Variants in SSBP2 observed in about 807,000 individuals in gnomAD.
SSBP2 encodes the protein single-stranded DNA-binding protein 2.
In SSBP2, 17 loss-of-function variants were observed where a neutral mutation model predicts 61.8. That is an observed-to-expected ratio of 0.28 (90% CI 0.19 to 0.41). The LOEUF is 0.41. Among genes scored for constraint, SSBP2 ranks in the 10% least tolerant of loss-of-function variants. The pLI is 1.00. For synonymous variants in SSBP2, 139 were observed against 141.3 expected, an observed-to-expected ratio of 0.98 and a Z score of 0.12; for missense variants, 310 against 458.7, an observed-to-expected ratio of 0.68 and a Z score of 2.96.
chr5:81,585,283 C>T (rs907684448), intron 4 of SSBP2, among the ~76,000 whole-genome samples: 1 of 151,988 alleles, frequency 6.6e-6, no homozygotes, highest in Non-Finnish European at 1.5e-5. Flanking sequence ...TACTACCTAT[C>T]TTCAGTTTAA....
At chr5:81,619,491 C>A (rs1363774086) in intron 3 of SSBP2, among the ~76,000 whole-genome samples, 2 of 136,028 alleles carry the variant, frequency 1.5e-5, no homozygotes, top group Non-Finnish European at 3.1e-5. Flanking sequence ...GAGTCCAGGA[C>A]CAGATGGATT....
At chr5:81,600,049 TA>T (rs1168311964) in intron 4 of SSBP2, among the ~76,000 whole-genome samples, 2 of 152,226 alleles carry the variant, frequency 1.3e-5, no homozygotes. Context: ...GCAATGCCAA[TA>T]AATGTTATTT....
At chr5:81,731,329 T>C (rs1756250669) in intron 1 of SSBP2, among the ~76,000 whole-genome samples, 1 of 152,114 alleles carries the variant, frequency 6.6e-6, no homozygotes, top group African/African-American at 2.4e-5. Flanking sequence ...AAAATAGTAA[T>C]AATAATGACT....
rs192308088 is a variant in SSBP2 at position 81,591,519 on chromosome 5, C to T, written c.282+23954G>A. ...AAGCTTAAAATATTTATGACTAATA[C>T]ATTAAAGATTCTAATAGAAAAGGTG... is the stretch of plus-strand genomic sequence containing the variant. On this transcript the variant is annotated intron_variant, in intron 4 of 16. Transcript: ENST00000320672. Among the ~76,000 whole-genome samples the T allele has an allele frequency of 2.0e-5, 3 of 152,132 alleles. No individual in the cohort carries two copies. The East Asian group carries it at 5.8e-4, about 29-fold the overall frequency.
At chr5:81,550,224 G>A (rs1772065478) in intron 4 of SSBP2, among the ~76,000 whole-genome samples, 1 of 152,152 alleles carries the variant, frequency 6.6e-6, no homozygotes, top group Admixed American at 6.5e-5. Flanking sequence ...GAATAACTAT[G>A]CTTCTGATAC....
At chr5:81,513,438 A>G (rs1384428537) in intron 5 of SSBP2, among the ~76,000 whole-genome samples, 190 bp downstream of exon 5, 1 of 152,198 alleles carries the variant, frequency 6.6e-6, no homozygotes, top group Non-Finnish European at 1.5e-5. Context: ...AAATAAATAC[A>G]TAATCTAATA....
At chr5:81,706,674 A>G (rs548148258) in intron 1 of SSBP2, among the ~76,000 whole-genome samples, 2 of 152,334 alleles carry the variant, frequency 1.3e-5, no homozygotes, top group Non-Finnish European at 2.9e-5. Flanking sequence ...CAGTTACCCA[A>G]CAGAATTTAA....
intron 4 of SSBP2, among the ~76,000 whole-genome samples, chr5:81,574,334 A>G (rs188938586): frequency 6.6e-6 from 1 of 152,290 alleles, no homozygotes; most frequent in Admixed American, 6.5e-5. Flanking sequence ...ACTGAAAAAA[A>G]ATAATGGGCT....
At chr5:81,750,038 G>A (rs1399644375) in intron 1 of SSBP2, among the ~76,000 whole-genome samples, 3 of 137,304 alleles carry the variant, frequency 2.2e-5, no homozygotes, top group East Asian at 4.6e-4. Context: ...CCGCCCCGCC[G>A]GGCCCGCCCC....
intron 4 of SSBP2, among the ~76,000 whole-genome samples, chr5:81,567,678 G>A (rs150890528): frequency 6.6e-6 from 1 of 152,270 alleles, no homozygotes; most frequent in African/African-American, 2.4e-5. Context: ...CTGGAAAGCT[G>A]CAGATACTCA....
At chr5:81,568,972 G>A (rs1027026624) in intron 4 of SSBP2, among the ~76,000 whole-genome samples, 27 of 152,154 alleles carry the variant, frequency 1.8e-4, no homozygotes, top group African/African-American at 6.5e-4. Context: ...TTCCTTGAGT[G>A]GAGACCTTTC....
rs1042258563 is a variant in SSBP2 at position 81,449,800 on chromosome 5, G to A, written c.688-975C>T. On this transcript the variant is annotated intron_variant, in intron 10 of 16. Coordinates refer to ENST00000320672, the MANE Select transcript of SSBP2 (RefSeq NM_012446.5). ...TCTCCTTATTTGGTGTTCTTGCTTT[G>A]CCTTACGCACACAACACATGTCCCA... Among the ~76,000 whole-genome samples, 8 of 152,030 alleles carry A rather than the reference G, an allele frequency of 5.3e-5. No individual in the cohort carries two copies. The South Asian group carries it at 1.7e-3, about 31-fold the overall frequency.
In SSBP2 at chr5:81,491,052, ACT is replaced by A. The variant is rs1393849234; in HGVS notation, c.373-1745_373-1744del. 3.3e-5 allele frequency among the ~76,000 whole-genome samples: 5 copies of A among 152,008 alleles called. No homozygotes were observed. The South Asian group carries it at 1.0e-3, about 32-fold the overall frequency. ...ACTAGAAGCTTATTCTAATATTCAC[ACT>A]CTCTCTGTTATTTTCTCTTTCCTTT... On this transcript the variant is annotated intron_variant, in intron 5 of 16. Coordinates refer to ENST00000320672, the MANE Select transcript of SSBP2 (RefSeq NM_012446.5).
intron 4 of SSBP2, among the ~76,000 whole-genome samples, chr5:81,570,527 T>C (rs1773754889): frequency 6.6e-6 from 1 of 152,122 alleles, no homozygotes; most frequent in Non-Finnish European, 1.5e-5. Context: ...ATGCTCTAAG[T>C]ACAGTGACGA....
At chr5:81,739,986 G>A (rs553826868) in intron 1 of SSBP2, among the ~76,000 whole-genome samples, 5 of 152,128 alleles carry the variant, frequency 3.3e-5, no homozygotes, top group East Asian at 1.9e-4. Flanking sequence ...CACTCTTGTC[G>A]ATTATACTCC....
At chr5:81,680,835 C>G (rs572516645) in intron 1 of SSBP2, among the ~76,000 whole-genome samples, 2 of 152,278 alleles carry the variant, frequency 1.3e-5, no homozygotes, top group East Asian at 3.9e-4. Flanking sequence ...GAGACTTTAA[C>G]ACTCTTCTAT....
chr5:81,708,974 G>C (rs913978632), intron 1 of SSBP2, among the ~76,000 whole-genome samples: 4 of 151,990 alleles, frequency 2.6e-5, no homozygotes, highest in Admixed American at 6.6e-5. Context: ...TGAGATAACT[G>C]ATCTATGTTG....
chr5:81,672,208 T>C (rs545502099), intron 1 of SSBP2, among the ~76,000 whole-genome samples: 1 of 152,260 alleles, frequency 6.6e-6, no homozygotes, highest in East Asian at 1.9e-4. Flanking sequence ...CACATAATTC[T>C]CTTATTTTTC....
At chr5:81,714,031 A>G (rs919729498) in intron 1 of SSBP2, among the ~76,000 whole-genome samples, 1 of 151,986 alleles carries the variant, frequency 6.6e-6, no homozygotes, top group Non-Finnish European at 1.5e-5. Flanking sequence ...TACATTAGGT[A>G]TTTATCCTAA....
Sources: gnomAD v4.1 joint callset for allele counts (sites outside exome capture counted in the v4.1 genomes callset) on GRCh38, gnomAD v4.1.1 for gene constraint, MANE v1.5 for transcripts, NCBI Gene and HGNC (gene_info 2026-07-23, HGNC 2026-07-21) for gene names.